The following IGSF11 variants were observed in gnomAD, a reference collection of about 807,000 sequenced individuals.
IGSF11 encodes the protein CXADR like 1.
A neutral mutation model predicts 41.0 loss-of-function variants in IGSF11; 22 were observed. The ratio of observed to expected loss-of-function variants is 0.54; its 90% confidence interval spans 0.38 to 0.77. The LOEUF (loss-of-function observed/expected upper bound fraction) is 0.77, where lower values mean the gene tolerates loss of function less well. Among genes scored for constraint, IGSF11 ranks in the 30% least tolerant of loss-of-function variants. The pLI, the probability that IGSF11 is intolerant of heterozygous loss-of-function variation, is 0.00. For synonymous variants in IGSF11, 219 were observed against 201.3 expected (o/e 1.09, Z -0.74); for missense variants, 444 against 530.8 (o/e 0.84, Z 1.61).
chr3:119,008,672 C>G (rs1576630491), intron 1 of IGSF11, among the ~76,000 whole-genome samples: 1 of 152,210 alleles, frequency 6.6e-6, no homozygotes, highest in Admixed American at 6.5e-5. Flanking sequence ...TACAAAGAAA[C>G]ATGCCCATCA....
intron 1 of IGSF11, among the ~76,000 whole-genome samples, chr3:118,933,489 T>TATATATATATATATATAC (rs561820742): frequency 1.3e-5 from 2 of 148,802 alleles, no homozygotes; most frequent in East Asian, 3.9e-4. Flanking sequence ...TATATATATA[T>TATATATATATATATATAC]ACACACACAC....
intron 1 of IGSF11, among the ~76,000 whole-genome samples, chr3:119,104,675 G>A (rs527396617): frequency 1.3e-5 from 2 of 152,252 alleles, no homozygotes; most frequent in East Asian, 3.9e-4. Context: ...AGTAAATGTT[G>A]TAGCTGCAAC....
intron 1 of IGSF11, among the ~76,000 whole-genome samples, chr3:119,061,397 C>T (rs905646113): frequency 1.3e-5 from 2 of 152,144 alleles, no homozygotes; most frequent in Admixed American, 1.3e-4. Flanking sequence ...CTGACACCAG[C>T]AGGAATCCGG....
intron 1 of IGSF11, among the ~76,000 whole-genome samples, chr3:119,101,536 T>C (rs1367403104): frequency 6.6e-6 from 1 of 151,914 alleles, no homozygotes; most frequent in African/African-American, 2.4e-5. Flanking sequence ...GTAAAGCATA[T>C]ACAGACATGG....
intron 1 of IGSF11, among the ~76,000 whole-genome samples, chr3:119,030,206 C>G (rs1279450127): frequency 6.6e-6 from 1 of 152,150 alleles, no homozygotes; most frequent in African/African-American, 2.4e-5. Flanking sequence ...TTTCAAGTAA[C>G]TTTTTATTGA....
chr3:118,907,245 A>C (rs1939716998), intron 4 of IGSF11, among the ~76,000 whole-genome samples: 1 of 152,246 alleles, frequency 6.6e-6, no homozygotes, highest in Non-Finnish European at 1.5e-5. Flanking sequence ...ACGAGGAGTC[A>C]GCAAAAGCAG....
Position 119,050,544 on chromosome 3 carries a change from A to G in IGSF11, c.49+54600T>C, listed in dbSNP as rs1297815739. 5.3e-5 allele frequency among the ~76,000 whole-genome samples: 8 copies of G among 151,684 alleles called. No homozygotes were observed. The South Asian group carries it at 6.3e-4, about 12-fold the overall frequency. On this transcript the variant is annotated intron_variant, in intron 1 of 6. Transcript: ENST00000354673. ...GAAATAGGAACACTTTTACACTGTT[A>G]GTGGGACTGTAAAGTAGTTCAACCA...
chr3:119,118,019 A>G (rs909056164), intron 1 of IGSF11, among the ~76,000 whole-genome samples: 2 of 152,212 alleles, frequency 1.3e-5, no homozygotes, highest in African/African-American at 4.8e-5. Flanking sequence ...TTTCCAGGGT[A>G]TAGCTTCCTT....
At chr3:119,112,241 C>T (rs1183777620) in intron 1 of IGSF11, among the ~76,000 whole-genome samples, 2 of 152,246 alleles carry the variant, frequency 1.3e-5, no homozygotes, top group African/African-American at 2.4e-5. Context: ...CTGTGGTGGG[C>T]TCCACCCAGC....
intron 1 of IGSF11, among the ~76,000 whole-genome samples, chr3:119,097,957 ATTTTTTTTTTTTTTTTT>A (rs377746200): frequency 3.4e-5 from 2 of 58,360 alleles, no homozygotes; most frequent in Admixed American, 5.0e-4. Flanking sequence ...CATTCAGCTA[ATTTTTTTTTTTTTTTTT>A]TTTTTTTTTT....
At chr3:118,974,901 C>CA (rs2107624592) in intron 1 of IGSF11, among the ~76,000 whole-genome samples, 1 of 151,282 alleles carries the variant, frequency 6.6e-6, no homozygotes, top group South Asian at 2.1e-4. Context: ...GACAAGAAAG[C>CA]AACATAACAG....
intron 4 of IGSF11, among the ~76,000 whole-genome samples, chr3:118,914,142 C>A (rs910468565): frequency 5.9e-5 from 9 of 151,746 alleles, no homozygotes; most frequent in African/African-American, 1.9e-4. Context: ...ACTTATAACT[C>A]TGAAAGTAGA....
chr3:119,106,829 C>T (rs916297156), upstream of IGSF11, among the ~76,000 whole-genome samples: 24 of 151,726 alleles, frequency 1.6e-4, no homozygotes, highest in Non-Finnish European at 2.9e-4. Flanking sequence ...TGAGTGAGAA[C>T]ATGCAGTGTT....
In IGSF11 at chr3:118,909,342, AAT is replaced by A. The variant is rs199602158; in HGVS notation, c.581-3626_581-3625del. On this transcript the variant is annotated intron_variant, in intron 4 of 6. Transcript: ENST00000393775. ...TGGATGTATACTTGTTATTTGAATG[AAT>A]ATGTTACATCAAAATTATATATTTC... Among the ~76,000 whole-genome samples, 63 of 152,292 alleles carry A rather than the reference AAT, an allele frequency of 4.1e-4. 3 individuals are homozygous for A. The East Asian group carries it at 0.012, about 28-fold the overall frequency.
At chr3:119,032,225 T>C (rs1348450592) in intron 1 of IGSF11, among the ~76,000 whole-genome samples, 1 of 152,196 alleles carries the variant, frequency 6.6e-6, no homozygotes, top group Non-Finnish European at 1.5e-5. Flanking sequence ...CATTTCCCTT[T>C]ACCCCTTTGT....
chr3:119,137,309 T>A (rs995544074), intron 1 of IGSF11, among the ~76,000 whole-genome samples: 2 of 152,060 alleles, frequency 1.3e-5, no homozygotes, highest in African/African-American at 4.8e-5. Flanking sequence ...ACATTACCTG[T>A]CTTCAAATTA....
At chr3:118,974,763 C>A (rs2107624259) in intron 1 of IGSF11, among the ~76,000 whole-genome samples, 1 of 152,298 alleles carries the variant, frequency 6.6e-6, no homozygotes. Flanking sequence ...TATCACTATA[C>A]CACAGAGCCC....
chr3:119,128,233 C>G (rs2077429997), intron 1 of IGSF11, among the ~76,000 whole-genome samples: 1 of 151,944 alleles, frequency 6.6e-6, no homozygotes, highest in Admixed American at 6.6e-5. Flanking sequence ...GTGGCAGGTG[C>G]CTATAGTCCA....
chr3:119,123,452 G>T (rs2077359645), intron 1 of IGSF11, among the ~76,000 whole-genome samples: 1 of 152,214 alleles, frequency 6.6e-6, no homozygotes, highest in Non-Finnish European at 1.5e-5. Flanking sequence ...ACTCAAGCTT[G>T]ACTAGCTTTG....
Sources: gnomAD v4.1 joint callset for allele counts (sites outside exome capture counted in the v4.1 genomes callset) on GRCh38, gnomAD v4.1.1 for gene constraint, MANE v1.5 for transcripts, NCBI Gene and HGNC (gene_info 2026-07-23, HGNC 2026-07-21) for gene names.